KCNIP4: variants seen among roughly 807,000 people sequenced by gnomAD.
KCNIP4 encodes the protein potassium voltage-gated channel interacting protein 4.
In KCNIP4, 12 loss-of-function variants were observed where a neutral mutation model predicts 34.0. The observed-to-expected ratio is 0.35, with a 90% CI of 0.23 to 0.57. KCNIP4 has a LOEUF of 0.57. KCNIP4 is among the 20% of genes least tolerant of loss of function. The probability of loss-of-function intolerance (pLI) is 0.83; values close to 1 mark genes in which losing one functional copy is unlikely to be tolerated. For missense variants in KCNIP4, 238 were observed against 311.7 expected, an observed-to-expected ratio of 0.76 and a Z score of 1.78; for synonymous variants, 124 against 102.2, an observed-to-expected ratio of 1.21 and a Z score of -1.29.
At chr4:21,527,095 C>T (rs1370402320) in intron 1 of KCNIP4, among the ~76,000 whole-genome samples, 1 of 152,084 alleles carries the variant, frequency 6.6e-6, no homozygotes, top group Non-Finnish European at 1.5e-5. Flanking sequence ...AGGATGCCAC[C>T]ATTACAAGGG....
At chr4:21,353,043 G>A (rs569299003) in intron 1 of KCNIP4, among the ~76,000 whole-genome samples, 1 of 152,292 alleles carries the variant, frequency 6.6e-6, no homozygotes, top group East Asian at 1.9e-4. Flanking sequence ...CAACAGACCT[G>A]CAGCTGAGGG....
At chr4:21,761,385 T>C (rs1352880714) in intron 1 of KCNIP4, among the ~76,000 whole-genome samples, 1 of 152,120 alleles carries the variant, frequency 6.6e-6, no homozygotes, top group Non-Finnish European at 1.5e-5. Context: ...TCAAATAATC[T>C]AAAATTTGGA....
chr4:21,070,450 T>C (rs1209173670), intron 1 of KCNIP4, among the ~76,000 whole-genome samples: 1 of 151,872 alleles, frequency 6.6e-6, no homozygotes, highest in Non-Finnish European at 1.5e-5. Context: ...CTGGCTTATA[T>C]TTCCATTGTC....
At chr4:20,997,912 C>T (rs1311035238) in intron 1 of KCNIP4, among the ~76,000 whole-genome samples, 1 of 152,054 alleles carries the variant, frequency 6.6e-6, no homozygotes, top group African/African-American at 2.4e-5. Flanking sequence ...AAAACAGGAA[C>T]GTGTAGAGAG....
At position 20,730,017 on chromosome 4, in the gene KCNIP4, C is replaced by A. The variant is rs373571715; in HGVS notation, c.*65G>T. The A allele has an allele frequency of 6.5e-7, 1 of 1,537,772 alleles. No individual in the cohort carries two copies. The highest frequency in any genetic ancestry group is 8.7e-7 in the Non-Finnish European group (1 of 1,143,572). On this transcript the variant is annotated 3_prime_UTR_variant, in exon 9 of 9. Coordinates refer to ENST00000382152, the MANE Select transcript of KCNIP4 (RefSeq NM_025221.6). ...GAGCAATCTATGCTAAAAGTGGTAG[C>A]TCCAACTTTAAGGGTGGTAGAATAG...
chr4:21,840,702 C>T (rs1186439872), intron 1 of KCNIP4, among the ~76,000 whole-genome samples: 2 of 152,120 alleles, frequency 1.3e-5, no homozygotes, highest in Admixed American at 6.6e-5. Context: ...TACCTTTTCA[C>T]TAAAATTTTA....
chr4:21,790,309 G>A (rs760151571), intron 1 of KCNIP4, among the ~76,000 whole-genome samples: 5 of 152,198 alleles, frequency 3.3e-5, no homozygotes, highest in African/African-American at 7.2e-5. Flanking sequence ...AATTACTTAC[G>A]ATTAAAAACA....
At chr4:21,460,506 ATATGG>A (rs1729365288) in intron 1 of KCNIP4, among the ~76,000 whole-genome samples, 1 of 152,062 alleles carries the variant, frequency 6.6e-6, no homozygotes, top group Non-Finnish European at 1.5e-5. Flanking sequence ...GAAGATCATG[ATATGG>A]ACTGATTCAG....
intron 1 of KCNIP4, among the ~76,000 whole-genome samples, chr4:20,910,588 T>C (rs1728233523): frequency 6.6e-6 from 1 of 152,228 alleles, no homozygotes; most frequent in Non-Finnish European, 1.5e-5. Context: ...AGAAAGCTTT[T>C]AGTTCTTTTT....
chr4:20,749,628 T>G, intron 5 of KCNIP4, 34 bp downstream of exon 5: 1 of 1,442,230 alleles, frequency 6.9e-7, no homozygotes, highest in Non-Finnish European at 9.7e-7. Flanking sequence ...AAACTCTAAA[T>G]AGTCAAATGA....
chr4:21,205,782 A>C (rs1756811971), intron 1 of KCNIP4, among the ~76,000 whole-genome samples: 1 of 152,194 alleles, frequency 6.6e-6, no homozygotes, highest in South Asian at 2.1e-4. Flanking sequence ...GTTTGAAGCC[A>C]GGCGGTCTGT....
chr4:21,298,272 G>C (rs1039961292), intron 1 of KCNIP4, among the ~76,000 whole-genome samples: 1 of 151,956 alleles, frequency 6.6e-6, no homozygotes, highest in African/African-American at 2.4e-5. Context: ...GAAAGGTTGG[G>C]GTGTGTGTTT....
intron 5 of KCNIP4, among the ~76,000 whole-genome samples, chr4:20,746,643 ATTATC>A (rs1396115111): frequency 6.6e-6 from 1 of 152,088 alleles, no homozygotes; most frequent in East Asian, 1.9e-4. Flanking sequence ...TCATTTTTAC[ATTATC>A]TTATTAAGTA....
intron 1 of KCNIP4, among the ~76,000 whole-genome samples, chr4:21,603,501 G>A (rs1268163638): frequency 1.3e-5 from 2 of 152,126 alleles, no homozygotes; most frequent in African/African-American, 4.8e-5. Flanking sequence ...AGAAATGAAA[G>A]CAGGTAAGAT....
At chr4:21,870,458 G>A (rs1342914725) in intron 1 of KCNIP4, among the ~76,000 whole-genome samples, 2 of 152,102 alleles carry the variant, frequency 1.3e-5, no homozygotes, top group Non-Finnish European at 2.9e-5. Flanking sequence ...CACACCCCTA[G>A]GTGGAGATTT....
intron 1 of KCNIP4, among the ~76,000 whole-genome samples, chr4:21,884,379 T>A (rs1490859484): frequency 2.6e-5 from 4 of 151,950 alleles, no homozygotes; most frequent in Non-Finnish European, 1.5e-5. Flanking sequence ...GACAAGAAAG[T>A]ACAATGGAGC....
intron 1 of KCNIP4, among the ~76,000 whole-genome samples, chr4:21,700,197 C>T (rs1351678094): frequency 6.6e-6 from 1 of 152,112 alleles, no homozygotes; most frequent in Non-Finnish European, 1.5e-5. Flanking sequence ...AATTTACATT[C>T]CCAACAACAG....
chr4:20,788,039 C>T (rs893575244), intron 3 of KCNIP4, among the ~76,000 whole-genome samples: 22 of 151,948 alleles, frequency 1.4e-4, no homozygotes, highest in African/African-American at 4.8e-4. Context: ...TCCTGAACAC[C>T]TTTCACCTGG....
intron 1 of KCNIP4, among the ~76,000 whole-genome samples, chr4:21,755,985 A>G (rs1016302513): frequency 2.0e-5 from 3 of 152,200 alleles, no homozygotes; most frequent in Admixed American, 2.0e-4. Context: ...GAAACAACAT[A>G]AGTCACGCAA....
Sources: allele counts gnomAD v4.1 joint callset (sites outside exome capture counted in the v4.1 genomes callset), GRCh38; gene constraint gnomAD v4.1.1; transcripts MANE v1.5; gene names NCBI Gene and HGNC (gene_info 2026-07-23, HGNC 2026-07-21).